The following PTDSS1 variants were observed in gnomAD, a reference collection of about 807,000 sequenced individuals.
PTDSS1 encodes PSS-1.
A neutral mutation model predicts 70.5 loss-of-function variants in PTDSS1; 45 were observed. That is an observed-to-expected ratio of 0.64 (90% CI 0.50 to 0.82). PTDSS1 has a LOEUF of 0.82. PTDSS1 is among the 40% of genes least tolerant of loss of function. PTDSS1 has a pLI of 0.00. For synonymous variants in PTDSS1, 188 were observed against 203.8 expected, an observed-to-expected ratio of 0.92 and a Z score of 0.66; for missense variants, 417 against 586.1, an observed-to-expected ratio of 0.71 and a Z score of 2.98.
At chr8:96,304,728 G>T (rs537804931) in intron 7 of PTDSS1, among the ~76,000 whole-genome samples, 66 of 152,170 alleles carry the variant, frequency 4.3e-4, no homozygotes, top group Non-Finnish European at 8.1e-4. Flanking sequence ...GACAGCCCAG[G>T]GTCTTGGCAA....
chr8:96,317,924 C>T (rs1006823062), intron 9 of PTDSS1, among the ~76,000 whole-genome samples: 8 of 140,682 alleles, frequency 5.7e-5, no homozygotes, highest in African/African-American at 1.9e-4. Flanking sequence ...TGTGTGTACA[C>T]GCATGCGTAT....
At chr8:96,270,052 C>T (rs1016884193) in intron 1 of PTDSS1, among the ~76,000 whole-genome samples, 1 of 152,202 alleles carries the variant, frequency 6.6e-6, no homozygotes, top group Non-Finnish European at 1.5e-5. Context: ...AACTGGGGCA[C>T]TGAGAGGTTA....
At chr8:96,278,019 A>G (rs1810674012) in intron 2 of PTDSS1, among the ~76,000 whole-genome samples, 2 of 152,044 alleles carry the variant, frequency 1.3e-5, no homozygotes, top group Non-Finnish European at 1.5e-5. Context: ...CAGCTTCTTT[A>G]CCCCTTTCTG....
chr8:96,295,313 T>C (rs1810960366), intron 5 of PTDSS1, 57 bp downstream of exon 5: 1 of 1,489,678 alleles, frequency 6.7e-7, no homozygotes, highest in Non-Finnish European at 9.0e-7. Context: ...AGTTTATATA[T>C]AGGAAAAAGT....
intron 2 of PTDSS1, among the ~76,000 whole-genome samples, chr8:96,279,711 C>T (rs1231811314): frequency 2.0e-5 from 3 of 151,920 alleles, no homozygotes; most frequent in South Asian, 4.2e-4. Flanking sequence ...CCCAGCTACT[C>T]AGGAGGCTGA....
chr8:96,296,321 G>A (rs1278403175), intron 5 of PTDSS1, among the ~76,000 whole-genome samples: 1 of 151,790 alleles, frequency 6.6e-6, no homozygotes, highest in African/African-American at 2.4e-5. Context: ...GGTATTTTTA[G>A]TAGAGACGGG....
At chr8:96,287,573 C>T (rs1463521943) in intron 4 of PTDSS1, among the ~76,000 whole-genome samples, 1 of 105,898 alleles carries the variant, frequency 9.4e-6, no homozygotes, top group East Asian at 2.5e-4. Context: ...GCCCCCAACA[C>T]CCCATGTTGT....
intron 1 of PTDSS1, among the ~76,000 whole-genome samples, chr8:96,263,726 C>T (rs1234044225): frequency 3.9e-5 from 6 of 152,122 alleles, no homozygotes; most frequent in Non-Finnish European, 7.4e-5. Context: ...GAGCAGTTAA[C>T]GGATACTAAA....
At chr8:96,307,282 T>C (rs1273960955) in intron 8 of PTDSS1, among the ~76,000 whole-genome samples, 1 of 152,050 alleles carries the variant, frequency 6.6e-6, no homozygotes, top group Non-Finnish European at 1.5e-5. Flanking sequence ...ATTTAAGCAG[T>C]TAAAAGAGTT....
At chr8:96,266,329 G>C (rs1196664710) in intron 1 of PTDSS1, among the ~76,000 whole-genome samples, 1 of 152,276 alleles carries the variant, frequency 6.6e-6, no homozygotes, top group Non-Finnish European at 1.5e-5. Context: ...ATTTCTCCTC[G>C]ATTTAGAACT....
At chr8:96,287,306 A>G (rs1810838278) in intron 4 of PTDSS1, 160 bp downstream of exon 4, 1 of 942,426 alleles carries the variant, frequency 1.1e-6, no homozygotes, top group Admixed American at 2.5e-5. Flanking sequence ...ATGGTTGTCC[A>G]CAGGTGATAG....
At chr8:96,325,378 T>C (rs936500580) in intron 10 of PTDSS1, among the ~76,000 whole-genome samples, 2 of 152,218 alleles carry the variant, frequency 1.3e-5, no homozygotes, top group Non-Finnish European at 2.9e-5. Flanking sequence ...TGCATAAGGC[T>C]AAAGGATACT....
chr8:96,330,844 C>T (rs1178750062), intron 11 of PTDSS1, 182 bp from the exon 12 acceptor site: 1 of 577,356 alleles, frequency 1.7e-6, no homozygotes, highest in African/African-American at 1.9e-5. Flanking sequence ...TTCTGCATCA[C>T]CTGTGAGAGG....
intron 5 of PTDSS1, among the ~76,000 whole-genome samples, chr8:96,299,203 AC>A: frequency 6.6e-6 from 1 of 152,202 alleles, no homozygotes; most frequent in Non-Finnish European, 1.5e-5. Flanking sequence ...CATGCTTCCT[AC>A]ATCGTGTCAT....
At chr8:96,268,614 G>GA (rs1173639925) in intron 1 of PTDSS1, among the ~76,000 whole-genome samples, 1 of 150,446 alleles carries the variant, frequency 6.6e-6, no homozygotes, top group Non-Finnish European at 1.5e-5. Flanking sequence ...TCAGAGTCCA[G>GA]AAATTCTTTG....
intron 11 of PTDSS1, chr8:96,330,761 G>A (rs1025135234): frequency 1.3e-5 from 6 of 451,982 alleles, no homozygotes; most frequent in African/African-American, 5.9e-5. Flanking sequence ...TATTTTTTTC[G>A]GTAAAAATAA....
At chr8:96,276,980 G>GCACGCACA (rs1810656536) in intron 2 of PTDSS1, among the ~76,000 whole-genome samples, 1 of 145,906 alleles carries the variant, frequency 6.9e-6, no homozygotes, top group African/African-American at 2.6e-5. Context: ...GCACGCGCGC[G>GCACGCACA]CACACACACA....
intron 9 of PTDSS1, among the ~76,000 whole-genome samples, chr8:96,314,605 A>G (rs1048678910): frequency 5.3e-5 from 8 of 151,958 alleles, no homozygotes; most frequent in Non-Finnish European, 1.2e-4. Context: ...CTCTGACAGT[A>G]GTTACATTTG....
chr8:96,320,160 T>G, intron 9 of PTDSS1, 86 bp from the exon 10 acceptor site: 4 of 1,213,834 alleles, frequency 3.3e-6, no homozygotes, highest in Non-Finnish European at 4.8e-6. Flanking sequence ...GAGTTGAACT[T>G]TTTCATTCAA....
Sources: gnomAD v4.1 joint callset for allele counts (sites outside exome capture counted in the v4.1 genomes callset) on GRCh38, gnomAD v4.1.1 for gene constraint, MANE v1.5 for transcripts, NCBI Gene and HGNC (gene_info 2026-07-23, HGNC 2026-07-21) for gene names.